PDZRN4: variants seen among roughly 807,000 people sequenced by gnomAD.
The protein encoded by PDZRN4 is PDZ domain-containing RING finger protein 4.
Under a neutral mutation model 99.0 loss-of-function variants are expected in PDZRN4, and 70 were observed. The observed-to-expected ratio is 0.71, with a 90% confidence interval of 0.58 to 0.86. The LOEUF is 0.86. Ranked by LOEUF, PDZRN4 falls within the 40% of genes least tolerant of loss-of-function variation. The pLI is 0.00. For missense variants in PDZRN4, 1,474 were observed against 1,331.2 expected, an observed-to-expected ratio of 1.11 and a Z score of -1.67; for synonymous variants, 551 against 501.6, an observed-to-expected ratio of 1.10 and a Z score of -1.32.
chr12:41,516,938 G>T (rs1167518858), intron 5 of PDZRN4, among the ~76,000 whole-genome samples: 1 of 151,910 alleles, frequency 6.6e-6, no homozygotes, highest in African/African-American at 2.4e-5. Context: ...TTATTAAATT[G>T]CATGATTTCC....
intron 3 of PDZRN4, among the ~76,000 whole-genome samples, chr12:41,282,936 C>T (rs1197942069): frequency 3.3e-5 from 5 of 152,022 alleles, no homozygotes; most frequent in South Asian, 2.1e-4. Context: ...GATCTAAAAT[C>T]GACACCCTAA....
At chr12:41,441,715 A>G (rs1186725307) in intron 3 of PDZRN4, among the ~76,000 whole-genome samples, 4 of 152,020 alleles carry the variant, frequency 2.6e-5, no homozygotes, top group Non-Finnish European at 5.9e-5. Context: ...GTCTCATACT[A>G]TGTAACCCCT....
chr12:41,288,801 G>A (rs940094051), intron 3 of PDZRN4, among the ~76,000 whole-genome samples: 2 of 152,074 alleles, frequency 1.3e-5, no homozygotes, highest in Non-Finnish European at 2.9e-5. Flanking sequence ...AATTGATTGT[G>A]TAGGATTTAA....
intron 3 of PDZRN4, among the ~76,000 whole-genome samples, chr12:41,389,192 C>G (rs1053670851): frequency 1.3e-5 from 2 of 151,854 alleles, no homozygotes; most frequent in Non-Finnish European, 2.9e-5. Flanking sequence ...GGAGTGTACT[C>G]GAAAGGCCCA....
intron 3 of PDZRN4, among the ~76,000 whole-genome samples, chr12:41,273,194 A>C (rs1466172755): frequency 6.6e-6 from 1 of 152,050 alleles, no homozygotes; most frequent in East Asian, 1.9e-4. Flanking sequence ...GGCACTATGG[A>C]TAGAAATATC....
chr12:41,497,341 G>A (rs1938026206), intron 3 of PDZRN4, among the ~76,000 whole-genome samples: 1 of 151,942 alleles, frequency 6.6e-6, no homozygotes, highest in Non-Finnish European at 1.5e-5. Flanking sequence ...AGTGTTTATT[G>A]TATATATGCC....
intron 3 of PDZRN4, among the ~76,000 whole-genome samples, chr12:41,324,548 A>T (rs1048852170): frequency 3.3e-5 from 5 of 152,086 alleles, no homozygotes; most frequent in African/African-American, 9.7e-5. Flanking sequence ...TTACACACAG[A>T]TCTCTACAAT....
intron 4 of PDZRN4, among the ~76,000 whole-genome samples, chr12:41,507,320 A>C (rs1329713085): frequency 6.6e-6 from 1 of 152,182 alleles, no homozygotes; most frequent in Non-Finnish European, 1.5e-5. Flanking sequence ...TGCCTAATTT[A>C]AAGGAAGTCA....
intron 3 of PDZRN4, among the ~76,000 whole-genome samples, chr12:41,391,245 T>G (rs2121120580): frequency 6.6e-6 from 1 of 152,296 alleles, no homozygotes; most frequent in Non-Finnish European, 1.5e-5. Flanking sequence ...CAGGTGTAAA[T>G]TTTTTAATGT....
chr12:41,285,759 C>T (rs1951418313), intron 3 of PDZRN4, among the ~76,000 whole-genome samples: 1 of 151,960 alleles, frequency 6.6e-6, no homozygotes, highest in Non-Finnish European at 1.5e-5. Context: ...GAACAGAAAA[C>T]CAAACACCGC....
chr12:41,461,017 A>C (rs901155951), intron 3 of PDZRN4, among the ~76,000 whole-genome samples: 1 of 152,080 alleles, frequency 6.6e-6, no homozygotes, highest in Non-Finnish European at 1.5e-5. Context: ...TTTCCTCTGC[A>C]CTGAGTGATG....
intron 3 of PDZRN4, among the ~76,000 whole-genome samples, chr12:41,464,692 T>C (rs1320098859): frequency 6.6e-6 from 1 of 152,146 alleles, no homozygotes. Flanking sequence ...AATTTAGTCA[T>C]CACTCTTAGA....
intron 3 of PDZRN4, among the ~76,000 whole-genome samples, chr12:41,234,156 A>C (rs1210166130): frequency 6.6e-6 from 1 of 151,956 alleles, no homozygotes; most frequent in Non-Finnish European, 1.5e-5. Context: ...TAAACCCCCC[A>C]ATTTATAGAG....
At chr12:41,557,021 G>A (rs1030583707) in intron 7 of PDZRN4, among the ~76,000 whole-genome samples, 1 of 151,892 alleles carries the variant, frequency 6.6e-6, no homozygotes, top group East Asian at 1.9e-4. Flanking sequence ...CATGGTGGCA[G>A]CCACCTGTAA....
intron 5 of PDZRN4, among the ~76,000 whole-genome samples, chr12:41,520,519 T>C (rs1469841571): frequency 2.0e-5 from 3 of 152,052 alleles, no homozygotes; most frequent in African/African-American, 4.8e-5. Context: ...CAGAAAGTTG[T>C]TTTGTTCTTC....
intron 3 of PDZRN4, among the ~76,000 whole-genome samples, chr12:41,298,345 T>C (rs1471435913): frequency 1.3e-5 from 2 of 152,172 alleles, no homozygotes; most frequent in African/African-American, 2.4e-5. Context: ...TTTCCCTGTT[T>C]TCCAGGCTGA....
chr12:41,354,333 G>A (rs371264128), intron 3 of PDZRN4, among the ~76,000 whole-genome samples: 5 of 151,968 alleles, frequency 3.3e-5, no homozygotes, highest in Admixed American at 1.3e-4. Flanking sequence ...TGGATTCTCC[G>A]TTTTCAACCT....
chr12:41,557,673 G>A (rs1373867639), intron 7 of PDZRN4, among the ~76,000 whole-genome samples: 2 of 151,166 alleles, frequency 1.3e-5, no homozygotes, highest in Non-Finnish European at 2.9e-5. Context: ...GCTAGATAGT[G>A]CAGAGCTCCT....
intron 3 of PDZRN4, among the ~76,000 whole-genome samples, chr12:41,249,462 A>G (rs1951154265): frequency 6.6e-6 from 1 of 152,176 alleles, no homozygotes; most frequent in Non-Finnish European, 1.5e-5. Context: ...CAATATGGGA[A>G]TGTACTGCTG....
Sources: allele counts gnomAD v4.1 joint callset (sites outside exome capture counted in the v4.1 genomes callset), GRCh38; gene constraint gnomAD v4.1.1; transcripts MANE v1.5; gene names NCBI Gene and HGNC (gene_info 2026-07-23, HGNC 2026-07-21).